ECT2L: variants seen among roughly 807,000 people sequenced by gnomAD.
ECT2L encodes epithelial cell-transforming sequence 2 oncogene-like.
ECT2L carries 126 observed loss-of-function variants against 122.8 expected under a neutral mutation model. The ratio of observed to expected loss-of-function variants is 1.03; its 90% CI spans 0.89 to 1.19. ECT2L has a LOEUF of 1.19. Among genes scored for constraint, ECT2L ranks in the 50% most tolerant of loss-of-function variants. The pLI, the probability that ECT2L is intolerant of heterozygous loss-of-function variation, is 0.00. For synonymous variants in ECT2L, 385 were observed against 381.8 expected (o/e 1.01, Z -0.10); for missense variants, 1,012 against 1,064.1 (o/e 0.95, Z 0.68).
chr6:138,841,137 CATTT>C (rs1386113905), intron 5 of ECT2L, among the ~76,000 whole-genome samples: 2 of 152,122 alleles, frequency 1.3e-5, no homozygotes, highest in Non-Finnish European at 2.9e-5. Flanking sequence ...TCTACCTAGT[CATTT>C]ATTTTAGATA....
At chr6:138,891,412 A>G (rs1437110732) in intron 20 of ECT2L, among the ~76,000 whole-genome samples, 2 of 152,174 alleles carry the variant, frequency 1.3e-5, no homozygotes, top group Admixed American at 6.5e-5. Context: ...TTAAGGTCTG[A>G]TAAGAGACAT....
At chr6:138,824,975 G>C (rs1776394459) in intron 4 of ECT2L, among the ~76,000 whole-genome samples, 1 of 152,214 alleles carries the variant, frequency 6.6e-6, no homozygotes, top group African/African-American at 2.4e-5. Flanking sequence ...GCAACAGTAT[G>C]TGTGTGTGCA....
At chr6:138,815,393 T>G (rs938656901) in intron 4 of ECT2L, among the ~76,000 whole-genome samples, 8 of 152,234 alleles carry the variant, frequency 5.3e-5, no homozygotes, top group African/African-American at 1.9e-4. Context: ...CGAAATATTC[T>G]AGAGAGCCCT....
chr6:138,817,847 T>C (rs1025249285), intron 4 of ECT2L, among the ~76,000 whole-genome samples: 196 of 152,344 alleles, frequency 1.3e-3, no homozygotes, highest in African/African-American at 4.5e-3. Context: ...TATACCTCAA[T>C]TGTGGCTTTT....
Position 138,838,395 on chromosome 6 carries a change from G to A in ECT2L, c.223G>A (p.Val75Met), listed in dbSNP as rs777020972. 3.1e-6 allele frequency: 5 copies of A among 1,611,486 alleles called. No individual in the cohort carries two copies. In the African/African-American group the frequency reaches 6.7e-5, roughly 22 times the overall value. The change falls in exon 5 of 22, where the codon GTG (valine) becomes ATG (methionine). Residue 75 changes from valine (V) to methionine (M), a missense_variant. By Grantham distance (21) the Val-to-Met change is conservative (BLOSUM62 1). Coordinates refer to ENST00000541398, the MANE Select transcript of ECT2L (RefSeq NM_001077706.3). ...WFSERMQVAKVDFSTVLPRFI... is the reference protein window; with the variant it reads ...WFSERMQVAKMDFSTVLPRFI... The stretch of plus-strand genomic sequence containing the variant: ...TTCAGAAAGGATGCAAGTGGCCAAA[G>A]TGGACTTCTCTACAGTGTTACCACG...
rs537903608 is a variant in ECT2L, at chr6:138,888,265, A to C, written c.2326-678A>C. 5.3e-5 allele frequency among the ~76,000 whole-genome samples: 8 copies of C among 151,980 alleles called. No individual in the cohort carries two copies. In the South Asian group the frequency reaches 8.3e-4, roughly 16 times the overall value. On this transcript the variant is annotated intron_variant, in intron 19 of 21. Coordinates refer to ENST00000541398, the MANE Select transcript of ECT2L (RefSeq NM_001077706.3). ...AGCTCATCCCCATGACTAGATCAATATAAAGGCTTGACTTCTTATTCTGTA... is the reference window on the plus strand; with the variant it reads ...AGCTCATCCCCATGACTAGATCAATCTAAAGGCTTGACTTCTTATTCTGTA...
intron 1 of ECT2L, among the ~76,000 whole-genome samples, chr6:138,812,312 AC>A (rs536212070): frequency 6.6e-6 from 1 of 152,254 alleles, no homozygotes; most frequent in South Asian, 2.1e-4. Context: ...CTAAGACAGT[AC>A]CCCCCTAAAC....
At chr6:138,862,019 G>T (rs1777851913) in intron 10 of ECT2L, among the ~76,000 whole-genome samples, 1 of 152,166 alleles carries the variant, frequency 6.6e-6, no homozygotes, top group African/African-American at 2.4e-5. Context: ...TCCTCAGACT[G>T]TTTCAGCTTC....
At chr6:138,834,355 G>T (rs940143202) in intron 4 of ECT2L, among the ~76,000 whole-genome samples, 1 of 151,830 alleles carries the variant, frequency 6.6e-6, no homozygotes, top group Non-Finnish European at 1.5e-5. Flanking sequence ...TTAATGTGAC[G>T]GAAGCATTTT....
intron 19 of ECT2L, among the ~76,000 whole-genome samples, chr6:138,887,454 C>A (rs1336871759): frequency 1.3e-5 from 2 of 152,088 alleles, no homozygotes; most frequent in Admixed American, 6.5e-5. Context: ...TCTCGATCTC[C>A]TGACCTTGTG....
At chr6:138,872,463 CCCAGGGTGGGAACG>C (rs1038112439) in intron 13 of ECT2L, among the ~76,000 whole-genome samples, 2 of 152,152 alleles carry the variant, frequency 1.3e-5, no homozygotes, top group African/African-American at 4.8e-5. Context: ...GGATGGGAAC[CCCAGGGTGGGAACG>C]CCAGATGGGC....
Position 138,813,103 on chromosome 6 carries a change from ATATGT to A in ECT2L, c.-103-65_-103-61del, listed in dbSNP as rs1243674866. 5.1e-5 allele frequency: 27 copies of A among 534,578 alleles called. No individual in the cohort carries two copies. The East Asian group carries it at 7.1e-4, about 14-fold the overall frequency. The allele number at this position is 534,578 out of a possible 1,614,324, so 33.1% of individuals were successfully genotyped here. A position where few individuals can be genotyped will look rare whatever the true frequency, so the allele number is the denominator to read the frequency against. On this transcript the variant is annotated intron_variant, in intron 2 of 21. Coordinates refer to ENST00000541398, the MANE Select transcript of ECT2L (RefSeq NM_001077706.3). ...ACACACATGAATTATAATTCTATCTATATGTTATATGTGAATTTCTATAATTATAT... is the reference window on the plus strand; with the variant it reads ...ACACACATGAATTATAATTCTATCTATATATGTGAATTTCTATAATTATAT...
intron 11 of ECT2L, among the ~76,000 whole-genome samples, chr6:138,864,070 C>T (rs1289948735): frequency 6.9e-6 from 1 of 145,738 alleles, no homozygotes; most frequent in Non-Finnish European, 1.5e-5. Context: ...CCTGTAATCC[C>T]AGCACTTTGG....
intron 20 of ECT2L, among the ~76,000 whole-genome samples, chr6:138,896,090 G>GTGATTTTA (rs1779199561): frequency 2.4e-5 from 3 of 124,430 alleles, no homozygotes; most frequent in African/African-American, 1.3e-4. Context: ...TTTCATTGCT[G>GTGATTTTA]AATTTTTTTT....
chr6:138,846,839 G>A (rs528711815), intron 8 of ECT2L, among the ~76,000 whole-genome samples, 162 bp downstream of exon 8: 8 of 151,616 alleles, frequency 5.3e-5, no homozygotes, highest in African/African-American at 1.7e-4. Flanking sequence ...GGCACTAACT[G>A]TAGTCCCAGC....
intron 4 of ECT2L, among the ~76,000 whole-genome samples, chr6:138,834,939 T>TCC (rs1776776274): frequency 1.6e-5 from 2 of 121,930 alleles, no homozygotes; most frequent in African/African-American, 6.5e-5. Flanking sequence ...ACACACACTC[T>TCC]CATTCTCTCT....
At chr6:138,804,582 AAC>A (rs367560936) in intron 1 of ECT2L, among the ~76,000 whole-genome samples, 1,500 of 146,196 alleles carry the variant, frequency 0.01, 8 homozygotes, top group Middle Eastern at 0.018. Flanking sequence ...TGAAGTTTTA[AAC>A]ACACACACAC....
chr6:138,816,160 C>T (rs2128374952), intron 4 of ECT2L, among the ~76,000 whole-genome samples: 1 of 152,320 alleles, frequency 6.6e-6, no homozygotes, highest in African/African-American at 2.4e-5. Flanking sequence ...ACAGACCAGA[C>T]CTCACATTTA....
At chr6:138,799,330 T>G (rs967563230) in intron 1 of ECT2L, among the ~76,000 whole-genome samples, 3 of 151,652 alleles carry the variant, frequency 2.0e-5, no homozygotes, top group Non-Finnish European at 4.4e-5. Context: ...CTCGGCTCAC[T>G]GCAAGCTCCG....
Sources: allele counts gnomAD v4.1 joint callset (sites outside exome capture counted in the v4.1 genomes callset), GRCh38; gene constraint gnomAD v4.1.1; transcripts MANE v1.5; gene names NCBI Gene and HGNC (gene_info 2026-07-23, HGNC 2026-07-21).